Variants in UGGT2 observed in about 807,000 individuals in gnomAD.
UGGT2 encodes UDP-glucose glycoprotein glucosyltransferase 2.
UGGT2 carries 180 observed loss-of-function variants against 192.1 expected under a neutral mutation model. The ratio of observed to expected loss-of-function variants is 0.94; its 90% confidence interval spans 0.83 to 1.06. UGGT2 has a LOEUF of 1.06. UGGT2 is among the 50% of genes least tolerant of loss of function. The pLI, the probability that UGGT2 is intolerant of heterozygous loss-of-function variation, is 0.00. For missense variants in UGGT2, 1,849 were observed against 1,795.7 expected, an observed-to-expected ratio of 1.03 and a Z score of -0.54; for synonymous variants, 580 against 591.0, an observed-to-expected ratio of 0.98 and a Z score of 0.27.
Position 95,949,362 on chromosome 13 carries a change from A to G in UGGT2, c.1428T>C (p.Pro476=). ...AATTATGAAAATTGCGCCTTATGGA[A>G]GGTACACTTCCAGGAAATACTGGCT... ...LLKPVFPGSV[P]SIRRNFHNLV... is the part of the protein sequence containing the mutation. The change falls in exon 13 of 39, where the codon CCT becomes CCC. Residue 476 remains proline (P), a synonymous_variant. Coordinates refer to ENST00000376747, the MANE Select transcript of UGGT2 (RefSeq NM_020121.4). The G allele has an allele frequency of 6.4e-7, 1 of 1,571,430 alleles. No homozygotes were observed. Among genetic ancestry groups the G allele is most frequent in the South Asian group, 1.2e-5 (1 of 82,424 alleles).
intron 36 of UGGT2, among the ~76,000 whole-genome samples, chr13:95,845,308 G>A (rs1302276403): frequency 6.8e-6 from 1 of 147,722 alleles, no homozygotes; most frequent in African/African-American, 2.5e-5. Flanking sequence ...GGTTTTCCTA[G>A]GCAGAGGGCC....
At chr13:96,023,862 G>C in intron 2 of UGGT2, 103 bp from the exon 3 acceptor site, 1 of 1,000,580 alleles carries the variant, frequency 1.0e-6, no homozygotes, top group Non-Finnish European at 1.4e-6. Context: ...AATCATATCT[G>C]AAGTTTGGTT....
intron 20 of UGGT2, among the ~76,000 whole-genome samples, chr13:95,908,229 C>T (rs1307296751): frequency 3.3e-5 from 5 of 152,128 alleles, no homozygotes; most frequent in South Asian, 2.1e-4. Flanking sequence ...AACAAAGCCT[C>T]CAAGAAATAT....
At chr13:95,878,555 ATGT>A (rs1231743375) in intron 27 of UGGT2, among the ~76,000 whole-genome samples, 2 of 152,194 alleles carry the variant, frequency 1.3e-5, no homozygotes, top group African/African-American at 4.8e-5. Context: ...TCTATTGCAA[ATGT>A]TATAATAAAT....
chr13:96,022,639 T>A (rs2052547673), intron 4 of UGGT2, among the ~76,000 whole-genome samples: 1 of 151,938 alleles, frequency 6.6e-6, no homozygotes, highest in Non-Finnish European at 1.5e-5. Flanking sequence ...TGCCATTTTT[T>A]AAATTAAATA....
chr13:95,849,859 CT>C (rs2140012486), intron 36 of UGGT2, among the ~76,000 whole-genome samples: 1 of 148,464 alleles, frequency 6.7e-6, no homozygotes, highest in East Asian at 2.0e-4. Context: ...TTAATTTATA[CT>C]TTTATATATT....
intron 36 of UGGT2, among the ~76,000 whole-genome samples, chr13:95,843,661 GT>G (rs1888096316): frequency 6.6e-6 from 1 of 151,828 alleles, no homozygotes; most frequent in Non-Finnish European, 1.5e-5. Context: ...GGGTTTAGAG[GT>G]TTTTGGGGTT....
intron 38 of UGGT2, among the ~76,000 whole-genome samples, chr13:95,817,731 A>T (rs996103246): frequency 3.3e-5 from 5 of 152,222 alleles, no homozygotes; most frequent in Admixed American, 6.5e-5. Flanking sequence ...ATTCTAAAAA[A>T]TAGCAAAGAT....
At chr13:96,050,035 A>C (rs535829880) in intron 1 of UGGT2, among the ~76,000 whole-genome samples, 35 of 152,276 alleles carry the variant, frequency 2.3e-4, no homozygotes, top group Middle Eastern at 3.4e-3. Context: ...AATCCTAAGC[A>C]AAAAGAACAA....
chr13:95,991,003 T>A (rs1405417311), intron 7 of UGGT2: 1 of 152,336 alleles, frequency 6.6e-6, no homozygotes, highest in Non-Finnish European at 1.5e-5. Flanking sequence ...GTTAGTTTGC[T>A]GAGAATGATA....
chr13:95,922,071 T>C (rs1171890851), intron 20 of UGGT2, among the ~76,000 whole-genome samples: 1 of 152,224 alleles, frequency 6.6e-6, no homozygotes, highest in Admixed American at 6.5e-5. Flanking sequence ...GTGACTCATA[T>C]ACACCATGGA....
At chr13:96,031,775 T>C in intron 2 of UGGT2, 114 bp downstream of exon 2, 1 of 700,442 alleles carries the variant, frequency 1.4e-6, no homozygotes, top group Non-Finnish European at 2.2e-6. Context: ...AATGTTCGGA[T>C]TTACTAACCC....
intron 17 of UGGT2, among the ~76,000 whole-genome samples, chr13:95,928,145 C>T (rs544151363): frequency 1.3e-5 from 2 of 151,948 alleles, no homozygotes; most frequent in Non-Finnish European, 2.9e-5. Flanking sequence ...AAACCGCCAT[C>T]GTCATCATGG....
intron 20 of UGGT2, among the ~76,000 whole-genome samples, chr13:95,911,069 T>A (rs561456449): frequency 2.0e-5 from 3 of 152,074 alleles, no homozygotes; most frequent in Non-Finnish European, 4.4e-5. Flanking sequence ...ACCAGAATCT[T>A]TGGGACACAT....
At chr13:95,811,391 T>A (rs1884576560) in intron 38 of UGGT2, among the ~76,000 whole-genome samples, 1 of 152,176 alleles carries the variant, frequency 6.6e-6, no homozygotes, top group Admixed American at 6.5e-5. Context: ...CCATGTGAAA[T>A]CTCTAGGCAA....
At chr13:95,859,727 T>C in intron 32 of UGGT2, 52 bp from the exon 33 acceptor site, 1 of 1,314,898 alleles carries the variant, frequency 7.6e-7, no homozygotes, top group South Asian at 1.5e-5. Context: ...CAGGAGCTCA[T>C]ATATATTTTT....
chr13:96,028,721 G>A (rs1329705579), intron 2 of UGGT2, among the ~76,000 whole-genome samples: 1 of 152,150 alleles, frequency 6.6e-6, no homozygotes. Flanking sequence ...TAGGCAGGTG[G>A]ATCACTAAGA....
At chr13:96,007,483 A>G (rs1378760053) in intron 5 of UGGT2, among the ~76,000 whole-genome samples, 1 of 152,210 alleles carries the variant, frequency 6.6e-6, no homozygotes, top group African/African-American at 2.4e-5. Flanking sequence ...AATAAAGGAC[A>G]TCCAAATTGG....
intron 38 of UGGT2, among the ~76,000 whole-genome samples, chr13:95,810,760 A>G (rs1884541007): frequency 6.6e-6 from 1 of 152,250 alleles, no homozygotes; most frequent in Non-Finnish European, 1.5e-5. Context: ...GAAAGACAAA[A>G]AAACCTGAGT....
Sources: gnomAD v4.1 joint callset for allele counts (sites outside exome capture counted in the v4.1 genomes callset) on GRCh38, gnomAD v4.1.1 for gene constraint, MANE v1.5 for transcripts, NCBI Gene and HGNC (gene_info 2026-07-23, HGNC 2026-07-21) for gene names.